The following ETV6 variants were observed in gnomAD, a reference collection of about 807,000 sequenced individuals.
ETV6 encodes the protein transcription factor ETV6.
Under a neutral mutation model 51.1 loss-of-function variants are expected in ETV6, and 16 were observed. The observed-to-expected ratio is 0.31, with a 90% confidence interval of 0.21 to 0.48. ETV6 has a LOEUF of 0.48. ETV6 is among the 20% of genes least tolerant of loss of function. The probability of loss-of-function intolerance (pLI) is 0.99; values close to 1 mark genes in which losing one functional copy is unlikely to be tolerated. For missense variants in ETV6, 458 were observed against 594.8 expected (o/e 0.77, Z 2.39); for synonymous variants, 240 against 224.1 (o/e 1.07, Z -0.64).
chr12:11,742,272 G>A (rs1430941887), intron 1 of ETV6, among the ~76,000 whole-genome samples: 2 of 152,182 alleles, frequency 1.3e-5, no homozygotes, highest in Non-Finnish European at 2.9e-5. Context: ...GGCATTTGCA[G>A]GGTAGTAGTC....
At chr12:11,745,836 A>G (rs1380743338) in intron 1 of ETV6, among the ~76,000 whole-genome samples, 3 of 152,218 alleles carry the variant, frequency 2.0e-5, no homozygotes, top group Non-Finnish European at 4.4e-5. Context: ...TTTGTACTCA[A>G]AAATGCCCAG....
intron 2 of ETV6, chr12:11,768,979 T>C: frequency 6.3e-6 from 3 of 477,674 alleles, no homozygotes; most frequent in Non-Finnish European, 1.3e-5. Context: ...CAAGGATTGA[T>C]TGAAGAACCC....
At chr12:11,874,838 T>C (rs371457523) in intron 5 of ETV6, among the ~76,000 whole-genome samples, 18 of 145,514 alleles carry the variant, frequency 1.2e-4, no homozygotes, top group African/African-American at 4.3e-4. Context: ...TAGGTGGGAA[T>C]TGAACAATGA....
At chr12:11,877,697 G>C (rs1338457510) in intron 5 of ETV6, among the ~76,000 whole-genome samples, 2 of 152,126 alleles carry the variant, frequency 1.3e-5, no homozygotes, top group Non-Finnish European at 2.9e-5. Context: ...AGCAGTGTGG[G>C]CCTGTGGCAA....
intron 5 of ETV6, among the ~76,000 whole-genome samples, chr12:11,876,108 C>T (rs2136562353): frequency 6.6e-6 from 1 of 152,184 alleles, no homozygotes; most frequent in South Asian, 2.1e-4. Context: ...ATGTTTGAGA[C>T]ATGTGAAAGG....
intron 2 of ETV6, among the ~76,000 whole-genome samples, chr12:11,821,538 A>G (rs1946080695): frequency 6.6e-6 from 1 of 151,504 alleles, no homozygotes; most frequent in Admixed American, 6.6e-5. Flanking sequence ...CCTATTAAGC[A>G]TCAAAATGGA....
chr12:11,725,957 C>A (rs546546673), intron 1 of ETV6, among the ~76,000 whole-genome samples: 1 of 152,270 alleles, frequency 6.6e-6, no homozygotes, highest in Admixed American at 6.5e-5. Flanking sequence ...TTATGAATTC[C>A]CCAGCCTCAG....
chr12:11,724,755 T>A (rs1385001491), intron 1 of ETV6, among the ~76,000 whole-genome samples: 2 of 152,250 alleles, frequency 1.3e-5, no homozygotes, highest in Non-Finnish European at 2.9e-5. Context: ...AAGATATTTG[T>A]AGTAGATATG....
intron 1 of ETV6, among the ~76,000 whole-genome samples, chr12:11,698,020 C>T (rs1864910103): frequency 6.6e-6 from 1 of 152,140 alleles, no homozygotes; most frequent in Admixed American, 6.5e-5. Flanking sequence ...TTAAAAAAAC[C>T]TCTGGTTGTT....
intron 3 of ETV6, among the ~76,000 whole-genome samples, chr12:11,847,063 G>A (rs771007729): frequency 2.0e-5 from 3 of 152,162 alleles, no homozygotes; most frequent in African/African-American, 4.8e-5. Flanking sequence ...TGGAGGCGGG[G>A]CATCTGTTGG....
intron 5 of ETV6, among the ~76,000 whole-genome samples, chr12:11,877,033 C>T (rs1946996817): frequency 6.6e-6 from 1 of 152,194 alleles, no homozygotes; most frequent in Non-Finnish European, 1.5e-5. Flanking sequence ...TCTTGCATTG[C>T]TTATTTGTCA....
chr12:11,885,480 C>G (rs1226090550), intron 6 of ETV6, among the ~76,000 whole-genome samples: 2 of 152,136 alleles, frequency 1.3e-5, no homozygotes, highest in Non-Finnish European at 2.9e-5. Context: ...AATTGTCTTC[C>G]TTAAAATGAC....
intron 1 of ETV6, among the ~76,000 whole-genome samples, chr12:11,695,837 C>T (rs1217911896): frequency 1.3e-5 from 2 of 152,204 alleles, no homozygotes; most frequent in African/African-American, 2.4e-5. Flanking sequence ...TTTGGAGTCT[C>T]ATGCGGTCAG....
chr12:11,678,580 A>G (rs545706999), intron 1 of ETV6, among the ~76,000 whole-genome samples: 10 of 152,200 alleles, frequency 6.6e-5, no homozygotes, highest in Admixed American at 6.5e-4. Context: ...TGTTCATACA[A>G]TTTCAAGAAT....
Position 11,654,169 on chromosome 12 carries a change from CAAAG to C in ETV6, c.33+4012_33+4015del, listed in dbSNP as rs1047756233. ...AAAACTGCTTTTGTGTCAAAAATAACAAAGAAGGAAATTGAGGAAAAGGTACAAC... is the reference window on the plus strand; with the variant it reads ...AAAACTGCTTTTGTGTCAAAAATAACAAGGAAATTGAGGAAAAGGTACAAC... On this transcript the variant is annotated intron_variant, in intron 1 of 7. Transcript: ENST00000396373. 4.6e-5 allele frequency among the ~76,000 whole-genome samples: 7 copies of C among 152,098 alleles called. 1 individual carries two copies. The highest frequency in any genetic ancestry group is 4.1e-4 in the South Asian group (2 of 4,830).
At chr12:11,738,204 C>T (rs970259774) in intron 1 of ETV6, among the ~76,000 whole-genome samples, 1 of 141,962 alleles carries the variant, frequency 7.0e-6, no homozygotes, top group African/African-American at 2.5e-5. Flanking sequence ...CTTGCTTTCT[C>T]CTTCCTTCCT....
intron 2 of ETV6, among the ~76,000 whole-genome samples, chr12:11,808,450 A>C (rs530589495): frequency 6.6e-6 from 1 of 152,132 alleles, no homozygotes; most frequent in Non-Finnish European, 1.5e-5. Context: ...AAAACAAAAA[A>C]AAAAAACCCA....
intron 1 of ETV6, among the ~76,000 whole-genome samples, chr12:11,674,163 G>T (rs966137623): frequency 3.3e-5 from 5 of 152,124 alleles, no homozygotes; most frequent in African/African-American, 1.2e-4. Context: ...GTGCTCGCGT[G>T]GCCAGATCGT....
At chr12:11,748,654 G>C (rs1865951701) in intron 1 of ETV6, among the ~76,000 whole-genome samples, 1 of 152,138 alleles carries the variant, frequency 6.6e-6, no homozygotes, top group Non-Finnish European at 1.5e-5. Context: ...TGCAACCTGA[G>C]GGTGGGTGTG....
Sources: gnomAD v4.1 joint callset for allele counts (sites outside exome capture counted in the v4.1 genomes callset) on GRCh38, gnomAD v4.1.1 for gene constraint, MANE v1.5 for transcripts, NCBI Gene and HGNC (gene_info 2026-07-23, HGNC 2026-07-21) for gene names.